HDAC9: variants seen among roughly 807,000 people sequenced by gnomAD.
HDAC9 encodes the protein MEF-2 interacting transcription repressor (MITR) protein.
HDAC9 carries 41 observed loss-of-function variants against 139.4 expected under a neutral mutation model. The ratio of observed to expected loss-of-function variants is 0.29; its 90% CI spans 0.23 to 0.38. The LOEUF (loss-of-function observed/expected upper bound fraction) is 0.38. Among genes scored for constraint, HDAC9 ranks in the 10% least tolerant of loss-of-function variants. The probability of loss-of-function intolerance (pLI) is 1.00; values close to 1 mark genes in which losing one functional copy is unlikely to be tolerated. For missense variants in HDAC9, 1,147 were observed against 1,297.0 expected (o/e 0.88, Z 1.78); for synonymous variants, 517 against 476.2 (o/e 1.09, Z -1.12).
chr7:18,569,051 A>AAAAT (rs1238568729), intron 2 of HDAC9, among the ~76,000 whole-genome samples: 6 of 151,784 alleles, frequency 4.0e-5, no homozygotes, highest in Non-Finnish European at 7.4e-5. Flanking sequence ...CTGTCTCAAA[A>AAAAT]AAATAAATAA....
chr7:18,954,578 A>C (rs1442291043), intron 24 of HDAC9, among the ~76,000 whole-genome samples: 1 of 152,132 alleles, frequency 6.6e-6, no homozygotes, highest in Non-Finnish European at 1.5e-5. Context: ...ATGATGTTGG[A>C]ATTCAGCAAT....
chr7:18,768,401 C>T (rs1790008252), intron 16 of HDAC9, among the ~76,000 whole-genome samples: 1 of 152,136 alleles, frequency 6.6e-6, no homozygotes. Flanking sequence ...AGCAGTGTGG[C>T]TGATGTGGTA....
chr7:18,832,665 T>A (rs941450744), intron 19 of HDAC9, among the ~76,000 whole-genome samples: 2 of 152,164 alleles, frequency 1.3e-5, no homozygotes, highest in Admixed American at 6.5e-5. Flanking sequence ...AAGCTTTAGA[T>A]CATACCTGAC....
chr7:18,278,217 A>G (rs1796872792), intron 2 of HDAC9, among the ~76,000 whole-genome samples: 1 of 152,208 alleles, frequency 6.6e-6, no homozygotes, highest in Non-Finnish European at 1.5e-5. Context: ...ATATCAGAAC[A>G]CTGTGATCTG....
At chr7:18,881,318 T>A (rs1202381153) in intron 22 of HDAC9, among the ~76,000 whole-genome samples, 1 of 152,146 alleles carries the variant, frequency 6.6e-6, no homozygotes, top group African/African-American at 2.4e-5. Context: ...ATATAAACTT[T>A]TTTAGATAGC....
intron 25 of HDAC9, among the ~76,000 whole-genome samples, chr7:18,990,830 C>G (rs751744567): frequency 9.9e-5 from 15 of 152,180 alleles, no homozygotes; most frequent in Non-Finnish European, 1.9e-4. Flanking sequence ...GTCTGTCACC[C>G]CTTTGACTAG....
intron 16 of HDAC9, among the ~76,000 whole-genome samples, chr7:18,771,548 T>C (rs773111812): frequency 3.0e-4 from 45 of 147,624 alleles, no homozygotes; most frequent in Non-Finnish European, 5.9e-4. Context: ...TGTGTGTGTG[T>C]GTGTGTGTGT....
chr7:18,647,673 TG>T, intron 9 of HDAC9, 111 bp from the exon 10 acceptor site: 1 of 839,192 alleles, frequency 1.2e-6, no homozygotes, highest in Non-Finnish European at 1.8e-6. Context: ...TTGGGTAAGA[TG>T]GGGCTTTTGT....
At chr7:18,693,019 A>C (rs1782780738) in intron 12 of HDAC9, among the ~76,000 whole-genome samples, 1 of 152,068 alleles carries the variant, frequency 6.6e-6, no homozygotes, top group African/African-American at 2.4e-5. Context: ...TATTGTGATA[A>C]ATTTAAATAA....
At chr7:18,703,632 G>A (rs1288296396) in intron 12 of HDAC9, among the ~76,000 whole-genome samples, 4 of 152,146 alleles carry the variant, frequency 2.6e-5, no homozygotes, top group African/African-American at 9.7e-5. Context: ...ACTAATGCAT[G>A]CATGTTTATG....
intron 2 of HDAC9, among the ~76,000 whole-genome samples, chr7:18,523,272 C>T (rs1277919080): frequency 6.6e-6 from 1 of 152,132 alleles, no homozygotes; most frequent in Non-Finnish European, 1.5e-5. Context: ...ACTTTAGCTG[C>T]TGTATAAAGG....
At chr7:18,815,533 C>T (rs1325717845) in intron 17 of HDAC9, among the ~76,000 whole-genome samples, 1 of 152,224 alleles carries the variant, frequency 6.6e-6, no homozygotes, top group African/African-American at 2.4e-5. Flanking sequence ...GGTGCCCTGT[C>T]TCCTTCCTAA....
At chr7:18,297,661 T>C (rs749136565) in intron 1 of HDAC9, among the ~76,000 whole-genome samples, 29 of 152,200 alleles carry the variant, frequency 1.9e-4, no homozygotes, top group Admixed American at 3.3e-4. Context: ...TTGGAATTCT[T>C]GTAAGACTTG....
At chr7:18,145,395 G>T (rs1233168360) in intron 1 of HDAC9, among the ~76,000 whole-genome samples, 1 of 152,152 alleles carries the variant, frequency 6.6e-6, no homozygotes, top group Non-Finnish European at 1.5e-5. Context: ...GACTGAGCTG[G>T]TAAGGGCTGT....
At chr7:18,346,039 A>G (rs2128667595) in intron 1 of HDAC9, among the ~76,000 whole-genome samples, 1 of 152,258 alleles carries the variant, frequency 6.6e-6, no homozygotes, top group South Asian at 2.1e-4. Flanking sequence ...AGACTAAAGT[A>G]GACCAATGCT....
chr7:18,695,769 T>A (rs1051539204), intron 12 of HDAC9, among the ~76,000 whole-genome samples: 4 of 152,216 alleles, frequency 2.6e-5, no homozygotes, highest in African/African-American at 9.6e-5. Flanking sequence ...GGATTCTTCC[T>A]TTTTCTTAAG....
At chr7:18,510,196 G>C (rs1801060536) in intron 2 of HDAC9, among the ~76,000 whole-genome samples, 1 of 152,090 alleles carries the variant, frequency 6.6e-6, no homozygotes, top group Non-Finnish European at 1.5e-5. Context: ...ATGTGTGTAT[G>C]ACCCTTTAAA....
At chr7:18,257,650 C>A (rs999859178) in intron 2 of HDAC9, among the ~76,000 whole-genome samples, 2 of 152,084 alleles carry the variant, frequency 1.3e-5, no homozygotes, top group African/African-American at 4.8e-5. Context: ...AAGAGCACAA[C>A]CCTTCCTAAT....
At chr7:18,346,199 G>A (rs901305554) in intron 1 of HDAC9, among the ~76,000 whole-genome samples, 1 of 152,094 alleles carries the variant, frequency 6.6e-6, no homozygotes, top group South Asian at 2.1e-4. Context: ...TAATTGTGCT[G>A]CAAAAAACCC....
Sources: gnomAD v4.1 joint callset for allele counts (sites outside exome capture counted in the v4.1 genomes callset) on GRCh38, gnomAD v4.1.1 for gene constraint, MANE v1.5 for transcripts, NCBI Gene and HGNC (gene_info 2026-07-23, HGNC 2026-07-21) for gene names.